The following MYOZ3 variants were observed in gnomAD, a reference collection of about 807,000 sequenced individuals.
MYOZ3 encodes myozenin-3.
MYOZ3 carries 19 observed loss-of-function variants against 26.5 expected under a neutral mutation model. The observed-to-expected ratio is 0.72, with a 90% confidence interval of 0.50 to 1.05. MYOZ3 has a LOEUF of 1.05. MYOZ3 is among the 50% of genes least tolerant of loss of function. MYOZ3 has a pLI of 0.00. For synonymous variants in MYOZ3, 135 were observed against 138.8 expected (o/e 0.97, Z 0.19); for missense variants, 322 against 337.1 (o/e 0.96, Z 0.35).
chr5:150,663,344 C>T (rs2151442640), intron 2 of MYOZ3, among the ~76,000 whole-genome samples: 1 of 152,330 alleles, frequency 6.6e-6, no homozygotes, highest in South Asian at 2.1e-4. Context: ...CTACCTGTGG[C>T]TGCAAGCTCT....
At chr5:150,672,672 G>A (rs905846169) in intron 6 of MYOZ3, 170 bp downstream of exon 6, 3 of 706,010 alleles carry the variant, frequency 4.2e-6, no homozygotes, top group Non-Finnish European at 6.9e-6. Context: ...GCACCTGGTA[G>A]GTGCTCAGTT....
chr5:150,669,911 T>A (rs1758875342), intron 2 of MYOZ3: 1 of 152,234 alleles, frequency 6.6e-6, no homozygotes, highest in African/African-American at 2.4e-5. Flanking sequence ...CTTCCCAAAG[T>A]GCTGGGATTA....
intron 6 of MYOZ3, 121 bp from the exon 7 acceptor site, chr5:150,676,586 A>C (rs1581538482): frequency 1.3e-6 from 1 of 782,470 alleles, no homozygotes; most frequent in East Asian, 2.8e-5. Flanking sequence ...CTTGCTGTAT[A>C]GAAGGGAAAA....
At chr5:150,672,679 A>C in intron 6 of MYOZ3, 177 bp downstream of exon 6, 2 of 668,758 alleles carry the variant, frequency 3.0e-6, no homozygotes, top group Non-Finnish European at 4.9e-6. Flanking sequence ...GTAGGTGCTC[A>C]GTTAACGTGG....
Position 150,671,861 on chromosome 5 carries a change from C to A in MYOZ3, c.377C>A (p.Ala126Glu). ...SLGGPEGAHP[A>E]AAPAGCVPSP... Reference sequence around the variant, plus strand: ...GGGGGTCCCGAGGGCGCCCACCCTGCAGCCGCCCCTGCTGGGTGCGTCCCC... The same window carrying A: ...GGGGGTCCCGAGGGCGCCCACCCTGAAGCCGCCCCTGCTGGGTGCGTCCCC... Residue 126 changes from alanine (A) to glutamate (E), a missense_variant, in exon 5 of 7, where the codon GCA (alanine) becomes GAA (glutamate). Transcript: ENST00000517768. 1 of 1,598,950 alleles carries A rather than the reference C, an allele frequency of 6.3e-7. No homozygotes were observed. The highest frequency in any genetic ancestry group is 1.7e-5 in the Admixed American group (1 of 58,452).
chr5:150,672,668 G>A (rs1219668484), intron 6 of MYOZ3, 166 bp downstream of exon 6: 1 of 727,506 alleles, frequency 1.4e-6, no homozygotes. Flanking sequence ...CTCCGCACCT[G>A]GTAGGTGCTC....
chr5:150,664,874 G>A (rs115584123), intron 2 of MYOZ3, among the ~76,000 whole-genome samples: 4 of 152,224 alleles, frequency 2.6e-5, no homozygotes, highest in East Asian at 1.9e-4. Context: ...AGACATGAAC[G>A]GCTTTGAAAG....
intron 2 of MYOZ3, among the ~76,000 whole-genome samples, chr5:150,665,017 G>GAT (rs144566726): frequency 0.062 from 9,112 of 148,134 alleles, 296 homozygotes; most frequent in Middle Eastern, 0.13. Flanking sequence ...ATGTTCTTTG[G>GAT]CTTTTTTTTT....
rs556491477 is a variant in MYOZ3, at chr5:150,667,052, C to T, written c.62-3432C>T. ...GGGATTATGGGTGTGAGCCACTGCGCCCGGCCTATAAGTGGATTTCTTTCT... is the reference window on the plus strand; with the variant it reads ...GGGATTATGGGTGTGAGCCACTGCGTCCGGCCTATAAGTGGATTTCTTTCT... On this transcript the variant is annotated intron_variant, in intron 2 of 6. Transcript: ENST00000517768. Among the ~76,000 whole-genome samples, 334 of 152,258 alleles carry T rather than the reference C, an allele frequency of 2.2e-3. 1 individual carries two copies. The highest frequency in any genetic ancestry group is 3.1e-3 in the Non-Finnish European group (213 of 68,016).
intron 6 of MYOZ3, among the ~76,000 whole-genome samples, chr5:150,675,817 C>G (rs1758997067): frequency 6.6e-6 from 1 of 152,204 alleles, no homozygotes; most frequent in Non-Finnish European, 1.5e-5. Flanking sequence ...CTTTCCTAAG[C>G]CATATGCTCA....
chr5:150,672,003 C>T, intron 5 of MYOZ3, 95 bp downstream of exon 5: 3 of 1,428,994 alleles, frequency 2.1e-6, no homozygotes, highest in Non-Finnish European at 2.8e-6. Context: ...GAAGGCTAGT[C>T]CGCCCCCTTC....
At chr5:150,663,038 CCAT>C in intron 2 of MYOZ3, 36 bp downstream of exon 2, 1 of 1,554,428 alleles carries the variant, frequency 6.4e-7, no homozygotes, top group Non-Finnish European at 8.8e-7. Context: ...TCCTCAGACT[CCAT>C]CATTTCCTTG....
rs1759053683 is a variant in MYOZ3 at position 150,678,584 on chromosome 5, G to A, written c.*1709G>A. Reference sequence around the variant, plus strand: ...CCTTGGAGTTTAGAAGTTGAGTGCAGGCTTGGGAGTCAGACTGGATGGGGT... The same window carrying A: ...CCTTGGAGTTTAGAAGTTGAGTGCAAGCTTGGGAGTCAGACTGGATGGGGT... On this transcript the variant is annotated 3_prime_UTR_variant, in exon 7 of 7. Transcript: ENST00000517768. The A allele has an allele frequency of 1.3e-5, 2 of 152,336 alleles. No homozygotes were observed. Among genetic ancestry groups the A allele is most frequent in the Non-Finnish European group, 2.9e-5 (2 of 68,060 alleles). 9.4% of individuals were successfully genotyped at this position (152,336 alleles called of 1,614,324 possible).
chr5:150,664,992 T>G (rs1758785631), intron 2 of MYOZ3, among the ~76,000 whole-genome samples: 4 of 151,822 alleles, frequency 2.6e-5, no homozygotes, highest in Admixed American at 2.6e-4. Context: ...ACACATGGGC[T>G]AAATACTATA....
At chr5:150,673,087 G>C (rs1758949436) in intron 6 of MYOZ3, 1 of 152,956 alleles carries the variant, frequency 6.5e-6, no homozygotes, top group Non-Finnish European at 1.5e-5. Flanking sequence ...GCCAGAGTGA[G>C]GGCCACAGCG....
At chr5:150,672,746 C>A in intron 6 of MYOZ3, 1 of 486,612 alleles carries the variant, frequency 2.1e-6, no homozygotes, top group Admixed American at 3.9e-5. Flanking sequence ...ACATGGTGGG[C>A]GGGTGCTATG....
At chr5:150,664,539 A>G (rs1188038759) in intron 2 of MYOZ3, among the ~76,000 whole-genome samples, 6 of 152,230 alleles carry the variant, frequency 3.9e-5, no homozygotes, top group Non-Finnish European at 8.8e-5. Context: ...AGTTATAAAA[A>G]TGTTTACCAT....
rs546224740 is a variant in MYOZ3 at position 150,664,490 on chromosome 5, C to T, written c.61+1488C>T. 2.6e-5 allele frequency among the ~76,000 whole-genome samples: 4 copies of T among 152,284 alleles called. No homozygotes were observed. The East Asian group carries it at 7.7e-4, about 29-fold the overall frequency. On this transcript the variant is annotated intron_variant, in intron 2 of 6. Transcript: ENST00000517768. ...AAAAGTAGGAAGAAAAAATAAATCT[C>T]ATAATCTCACTACCTAAAGACGGCC...
chr5:150,676,843 G>T lies in MYOZ3; in HGVS notation c.724G>T (p.Val242Phe). 1 of 1,613,084 alleles carries T rather than the reference G, an allele frequency of 6.2e-7. No homozygotes were observed. The change falls in exon 7 of 7, where the codon GTC becomes TTC. Residue 242 changes from valine (V) to phenylalanine (F), a missense_variant. Physicochemically the swap from Val to Phe is conservative, Grantham distance 50. Transcript: ENST00000517768. ...CTTCAACAGAGTGGCCCAGGGCTGGGTCCGTAACCTCCCAGAGTCCGAGGA... is the reference window on the plus strand; with the variant it reads ...CTTCAACAGAGTGGCCCAGGGCTGGTTCCGTAACCTCCCAGAGTCCGAGGA... ...PSFNRVAQGW[V>F]RNLPESEEL is the part of the protein sequence containing the mutation.
Sources: allele counts gnomAD v4.1 joint callset (sites outside exome capture counted in the v4.1 genomes callset), GRCh38; gene constraint gnomAD v4.1.1; transcripts MANE v1.5; gene names NCBI Gene and HGNC (gene_info 2026-07-23, HGNC 2026-07-21).